The following KMT2C variants were observed in gnomAD, a reference collection of about 807,000 sequenced individuals.
KMT2C encodes the protein lysine methyltransferase 2C.
A neutral mutation model predicts 507.9 loss-of-function variants in KMT2C; 88 were observed. The observed-to-expected ratio is 0.17, with a 90% CI of 0.15 to 0.21. KMT2C has a LOEUF of 0.21. Ranked by LOEUF, KMT2C falls within the 10% of genes least tolerant of loss-of-function variation. The pLI is 1.00. For missense variants in KMT2C, 4,954 were observed against 5,957.8 expected, an observed-to-expected ratio of 0.83 and a Z score of 5.55; for synonymous variants, 2,049 against 2,080.8, an observed-to-expected ratio of 0.98 and a Z score of 0.42.
intron 13 of KMT2C, among the ~76,000 whole-genome samples, chr7:152,249,640 T>C (rs1402825677): frequency 5.0e-5 from 3 of 60,170 alleles, no homozygotes; most frequent in Non-Finnish European, 6.7e-5. Flanking sequence ...GATCTGAAAG[T>C]ACAAAATATT....
chr7:152,266,722 A>G (rs1400495804), intron 7 of KMT2C, among the ~76,000 whole-genome samples: 1 of 152,306 alleles, frequency 6.6e-6, no homozygotes, highest in Non-Finnish European at 1.5e-5. Context: ...TTTGTGAGCC[A>G]TAGCAGTCTC....
chr7:152,300,748 T>C (rs2096558544), intron 6 of KMT2C, among the ~76,000 whole-genome samples: 1 of 152,112 alleles, frequency 6.6e-6, no homozygotes, highest in Non-Finnish European at 1.5e-5. Context: ...TCTCTTAAGG[T>C]TTATCCTTCC....
chr7:152,296,997 A>AAAG (rs2096505748), intron 6 of KMT2C, among the ~76,000 whole-genome samples: 56 of 59,006 alleles, frequency 9.5e-4, no homozygotes, highest in African/African-American at 2.9e-3. Flanking sequence ...GAAAGAAAGA[A>AAAG]AAAGAAAGAA....
At chr7:152,360,930 T>TA (rs1299424180) in intron 1 of KMT2C, among the ~76,000 whole-genome samples, 5 of 147,076 alleles carry the variant, frequency 3.4e-5, no homozygotes, top group Non-Finnish European at 5.9e-5. Flanking sequence ...AAGTCGGTCT[T>TA]AACCAAAAAT....
chr7:152,253,514 CAAAAAAAA>C (rs71198770), intron 9 of KMT2C, among the ~76,000 whole-genome samples: 802 of 39,488 alleles, frequency 0.02, 6 homozygotes, highest in African/African-American at 0.057. Context: ...TCTTTCTCTA[CAAAAAAAA>C]AAAAAAAAAA....
intron 23 of KMT2C, among the ~76,000 whole-genome samples, chr7:152,215,254 C>T (rs2094543544): frequency 1.3e-5 from 2 of 151,946 alleles, no homozygotes; most frequent in African/African-American, 2.4e-5. Context: ...TGGCTCACAC[C>T]TGTAATCCCA....
chr7:152,326,334 T>C (rs1050513792), intron 3 of KMT2C, among the ~76,000 whole-genome samples: 13 of 152,204 alleles, frequency 8.5e-5, no homozygotes, highest in Admixed American at 7.9e-4. Context: ...TGCTATTATG[T>C]CTGTGATCCT....
intron 1 of KMT2C, among the ~76,000 whole-genome samples, chr7:152,391,518 A>C (rs1251185974): frequency 2.0e-5 from 3 of 149,300 alleles, no homozygotes; most frequent in Non-Finnish European, 4.4e-5. Flanking sequence ...ATGGGATTAC[A>C]GACATGAGCC....
At chr7:152,139,095 G>T (rs560635136) in intron 57 of KMT2C, 91 bp downstream of exon 57, 15 of 1,268,444 alleles carry the variant, frequency 1.2e-5, no homozygotes, top group African/African-American at 1.0e-4. Flanking sequence ...CCAGGCTGCC[G>T]TGAGAGCCTT....
intron 3 of KMT2C, among the ~76,000 whole-genome samples, chr7:152,323,133 T>TA (rs1222295128): frequency 6.6e-6 from 1 of 151,824 alleles, no homozygotes; most frequent in Admixed American, 6.6e-5. Flanking sequence ...CTCAAAAAAC[T>TA]AAAAATAGAA....
chr7:152,158,085 G>C (rs2092191519), intron 44 of KMT2C, among the ~76,000 whole-genome samples: 1 of 152,196 alleles, frequency 6.6e-6, no homozygotes, highest in Middle Eastern at 3.2e-3. Flanking sequence ...AGAGACTACA[G>C]ACCTTTGAGA....
At chr7:152,174,065 T>G in intron 39 of KMT2C, 66 bp downstream of exon 39, 3 of 856,756 alleles carry the variant, frequency 3.5e-6, no homozygotes, top group Admixed American at 4.8e-5. Flanking sequence ...ATGTTTTTTC[T>G]AAAAACTAGT....
chr7:152,289,709 C>T (rs1266992414), intron 6 of KMT2C, among the ~76,000 whole-genome samples: 1 of 152,116 alleles, frequency 6.6e-6, no homozygotes, highest in Non-Finnish European at 1.5e-5. Flanking sequence ...AATTCCAATA[C>T]TTAAAGACTT....
intron 6 of KMT2C, among the ~76,000 whole-genome samples, chr7:152,292,879 C>G (rs1015871853): frequency 5.9e-5 from 9 of 152,172 alleles, no homozygotes; most frequent in Admixed American, 5.2e-4. Flanking sequence ...AAACTCTGCA[C>G]AACCTTACCC....
intron 2 of KMT2C, among the ~76,000 whole-genome samples, chr7:152,336,291 G>C (rs181677843): frequency 4.4e-4 from 67 of 152,256 alleles, no homozygotes; most frequent in African/African-American, 1.6e-3. Flanking sequence ...TCATTTGGTA[G>C]ACTATGTTAG....
At position 152,435,764 on chromosome 7, in the gene KMT2C, C is replaced by T. The variant is rs1398617617; in HGVS notation, c.23G>A (p.Ser8Asn). ...TGGCGGCGGCTGCGGCTGCTCCACG[C>T]TCTTGTCCTCCTCCGACGACATCCT... MSSEEDKSVEQPQPPPPP... is the reference protein window; with the variant it reads MSSEEDKNVEQPQPPPPP... Residue 8 changes from serine (S) to asparagine (N), a missense_variant, in exon 1 of 59, where the codon AGC becomes AAC. Physicochemically the swap from Ser to Asn is conservative, Grantham distance 46. This residue lies in a region of KMT2C where 51 missense variants were observed against 43.5 expected (regional missense o/e 1.17). Transcript: ENST00000262189. The T allele has an allele frequency of 2.0e-6, 3 of 1,476,206 alleles. No individual in the cohort carries two copies. The highest frequency in any genetic ancestry group is 1.3e-5 in the South Asian group (1 of 78,396). The allele number at this position is 1,476,206 out of a possible 1,614,324, so 91.4% of individuals were successfully genotyped here. A position where few individuals can be genotyped will look rare whatever the true frequency, so the allele number is the denominator to read the frequency against.
rs148428090 is a variant in KMT2C, at chr7:152,155,981, A to G, written c.11889T>C (p.Ala3963=). 10 of 1,611,044 alleles carry G rather than the reference A, an allele frequency of 6.2e-6. No individual in the cohort carries two copies. The African/African-American group carries it at 1.3e-4, about 22-fold the overall frequency. ...GCACATCAACTGTCTTGGGGCCCTG[A>G]GCAAGAGCTCGGGCCAACAAGTCGT... ...PQDDLLARAL[A]QGPKTVDVPA... The change falls in exon 46 of 59, where the codon GCT becomes GCC. Residue 3963 remains alanine (A), a synonymous_variant. Transcript: ENST00000262189.
intron 1 of KMT2C, among the ~76,000 whole-genome samples, chr7:152,381,720 T>C (rs2097375643): frequency 6.6e-6 from 1 of 152,234 alleles, no homozygotes; most frequent in African/African-American, 2.4e-5. Context: ...ATATAACTTT[T>C]AGGAACAAAG....
chr7:152,383,896 T>C (rs938228780), intron 1 of KMT2C, among the ~76,000 whole-genome samples: 2 of 151,940 alleles, frequency 1.3e-5, no homozygotes, highest in Non-Finnish European at 1.5e-5. Context: ...ACGTGAAGAG[T>C]TGTGCTGCTA....
Sources: allele counts gnomAD v4.1 joint callset (sites outside exome capture counted in the v4.1 genomes callset), GRCh38; gene constraint gnomAD v4.1.1; regional missense constraint gnomAD v4.1.1; transcripts MANE v1.5; gene names NCBI Gene and HGNC (gene_info 2026-07-23, HGNC 2026-07-21).